The following SNX24 variants were observed in gnomAD, a reference collection of about 807,000 sequenced individuals.
The protein encoded by SNX24 is sorting nexin-24.
SNX24 carries 22 observed loss-of-function variants against 28.7 expected under a neutral mutation model. The observed-to-expected ratio is 0.77, with a 90% CI of 0.55 to 1.10. The LOEUF (loss-of-function observed/expected upper bound fraction) is 1.10, where lower values mean the gene tolerates loss of function less well. Ranked by LOEUF, SNX24 falls within the 50% of genes least tolerant of loss-of-function variation. SNX24 has a pLI of 0.00. For synonymous variants in SNX24, 69 were observed against 71.5 expected (o/e 0.96, Z 0.18); for missense variants, 221 against 201.1 (o/e 1.10, Z -0.60).
chr5:122,978,466 AT>A (rs1761256773), intron 3 of SNX24, among the ~76,000 whole-genome samples: 2 of 152,184 alleles, frequency 1.3e-5, no homozygotes, highest in South Asian at 4.1e-4. Flanking sequence ...AAGATACCTA[AT>A]TTATCTTATT....
intron 6 of SNX24, among the ~76,000 whole-genome samples, chr5:123,002,667 A>G (rs1325842156): frequency 6.6e-6 from 1 of 152,264 alleles, no homozygotes. Context: ...ATGTGTATAT[A>G]CATTGCAGCA....
intron 4 of SNX24, among the ~76,000 whole-genome samples, chr5:123,000,887 C>T (rs1207177098): frequency 1.3e-5 from 2 of 152,176 alleles, no homozygotes; most frequent in African/African-American, 2.4e-5. Context: ...ATCAAGCAGG[C>T]CACACCCAAA....
chr5:122,944,696 C>T (rs906723119), intron 2 of SNX24, among the ~76,000 whole-genome samples: 6 of 152,132 alleles, frequency 3.9e-5, no homozygotes, highest in Admixed American at 1.3e-4. Flanking sequence ...CAAAGGTGGC[C>T]GCTCTGCTCT....
downstream of SNX24, among the ~76,000 whole-genome samples, chr5:123,013,589 A>G (rs2150185170): frequency 6.6e-6 from 1 of 152,290 alleles, no homozygotes; most frequent in Middle Eastern, 3.4e-3. Context: ...GACGGGAAGG[A>G]GGGCATATTA....
chr5:123,009,425 T>G (rs550553022), downstream of SNX24, among the ~76,000 whole-genome samples: 6 of 152,310 alleles, frequency 3.9e-5, no homozygotes, highest in African/African-American at 1.4e-4. Context: ...AATAAGAATT[T>G]TTTTGAAAAA....
intron 1 of SNX24, among the ~76,000 whole-genome samples, chr5:122,890,795 T>G (rs1408431913): frequency 6.6e-6 from 1 of 152,148 alleles, no homozygotes; most frequent in African/African-American, 2.4e-5. Context: ...AAAGCATGAA[T>G]TTATAGCCCT....
intron 3 of SNX24, among the ~76,000 whole-genome samples, chr5:122,957,602 G>A (rs1403220228): frequency 6.6e-6 from 1 of 152,162 alleles, no homozygotes; most frequent in Non-Finnish European, 1.5e-5. Flanking sequence ...TAAATCTGTA[G>A]ATCACTTTGG....
chr5:122,864,438 A>G (rs1755628711), intron 1 of SNX24, among the ~76,000 whole-genome samples: 1 of 152,338 alleles, frequency 6.6e-6, no homozygotes, highest in Non-Finnish European at 1.5e-5. Flanking sequence ...TTATCAAGAC[A>G]GGGGAACCGC....
chr5:122,928,130 C>T (rs144162875), intron 1 of SNX24, among the ~76,000 whole-genome samples: 65 of 152,288 alleles, frequency 4.3e-4, no homozygotes, highest in African/African-American at 1.5e-3. Flanking sequence ...GCCACTCAGA[C>T]CTTCCCTCTA....
In SNX24 at chr5:123,023,831, C is replaced by CACAT. The variant is rs757629304; in HGVS notation, n.384-5404_384-5403insTACA. 22 of 1,606,930 alleles carry CACAT rather than the reference C, an allele frequency of 1.4e-5. No homozygotes were observed. The East Asian group carries it at 4.9e-4, about 36-fold the overall frequency. ...CAACACACACACACACACACACACA[C>CACAT]ACACACCCCTGCCAAAGCATATCCT... is the stretch of plus-strand genomic sequence containing the variant. On this transcript the variant is annotated intron_variant and non_coding_transcript_variant, in intron 5 of 5. Transcript: ENST00000502387.
intron 3 of SNX24, among the ~76,000 whole-genome samples, chr5:122,965,764 A>C (rs1396525171): frequency 6.6e-6 from 1 of 152,240 alleles, no homozygotes; most frequent in Non-Finnish European, 1.5e-5. Flanking sequence ...AAAATCAACA[A>C]CACTTTTCCA....
chr5:122,968,996 T>C (rs550642226), intron 3 of SNX24, among the ~76,000 whole-genome samples: 46 of 152,210 alleles, frequency 3.0e-4, no homozygotes, highest in Middle Eastern at 3.4e-3. Flanking sequence ...TTCTTTTACA[T>C]TGGAGAAGTG....
At chr5:122,853,014 A>G (rs1158120634) in intron 1 of SNX24, among the ~76,000 whole-genome samples, 1 of 148,482 alleles carries the variant, frequency 6.7e-6, no homozygotes, top group African/African-American at 2.5e-5. Flanking sequence ...ACAAGGACGT[A>G]GCTGGCACAG....
At chr5:123,016,968 TCAG>T (rs2150185964) in intron 5 of SNX24, among the ~76,000 whole-genome samples, 1 of 151,206 alleles carries the variant, frequency 6.6e-6, no homozygotes, top group East Asian at 2.0e-4. Flanking sequence ...CACAGACCCA[TCAG>T]CAGAAGGAAA....
At chr5:122,906,649 C>G (rs933374367) in intron 1 of SNX24, among the ~76,000 whole-genome samples, 2 of 152,178 alleles carry the variant, frequency 1.3e-5, no homozygotes, top group Non-Finnish European at 2.9e-5. Context: ...GCTAGGGTTA[C>G]AGGCACATAC....
At chr5:122,942,455 T>C (rs1759497479) in intron 2 of SNX24, among the ~76,000 whole-genome samples, 1 of 152,256 alleles carries the variant, frequency 6.6e-6, no homozygotes, top group Admixed American at 6.5e-5. Flanking sequence ...CCCAAGTGTT[T>C]CCCGCTTCTT....
chr5:123,007,711 C>A lies in SNX24; in HGVS notation c.472C>A (p.Leu158Ile). 6.3e-7 allele frequency: 1 copy of A among 1,596,298 alleles called. No individual in the cohort carries two copies. The highest frequency in any genetic ancestry group is 1.2e-5 in the South Asian group (1 of 86,024). Residue 158 changes from leucine (L) to isoleucine (I), a missense_variant, in exon 7 of 7, where the codon CTC (leucine) becomes ATC (isoleucine). Transcript: ENST00000261369. ...TCCAAATGTGGTTATTGAAGGAGTC[C>A]TCCATGGGATATTTTACCCTCATCT... ...DFPNVVIEGV[L>I]HGIFYPHLQP... is the part of the protein sequence containing the mutation.
chr5:123,001,671 A>G (rs550682689), intron 5 of SNX24, among the ~76,000 whole-genome samples: 51 of 152,314 alleles, frequency 3.3e-4, no homozygotes, highest in African/African-American at 1.2e-3. Flanking sequence ...CAACAATCGT[A>G]TTACAAGATT....
At chr5:122,964,103 C>T (rs974959395) in intron 3 of SNX24, among the ~76,000 whole-genome samples, 5 of 151,482 alleles carry the variant, frequency 3.3e-5, no homozygotes, top group African/African-American at 4.9e-5. Context: ...ATTAGCTGGG[C>T]GTGGTGGCAG....
Sources: gnomAD v4.1 joint callset for allele counts (sites outside exome capture counted in the v4.1 genomes callset) on GRCh38, gnomAD v4.1.1 for gene constraint, MANE v1.5 for transcripts, NCBI Gene and HGNC (gene_info 2026-07-23, HGNC 2026-07-21) for gene names.